Variants in PCED1B observed in about 807,000 individuals in gnomAD.
PCED1B encodes PC-esterase domain-containing protein 1B.
For synonymous variants in PCED1B, 251 were observed against 246.1 expected, an observed-to-expected ratio of 1.02 and a Z score of -0.19; for missense variants, 573 against 573.9, an observed-to-expected ratio of 1.00 and a Z score of 0.02.
chr12:47,146,649 G>C (rs938439392), intron 2 of PCED1B, among the ~76,000 whole-genome samples: 2 of 152,114 alleles, frequency 1.3e-5, no homozygotes, highest in Non-Finnish European at 2.9e-5. Flanking sequence ...AGCATTTTTA[G>C]CAATAAAGTA....
intron 2 of PCED1B, among the ~76,000 whole-genome samples, chr12:47,140,139 G>A (rs1037878722): frequency 5.9e-5 from 9 of 152,100 alleles, no homozygotes; most frequent in Admixed American, 2.0e-4. Flanking sequence ...ATATGTTACT[G>A]CACATTAATG....
intron 2 of PCED1B, among the ~76,000 whole-genome samples, chr12:47,128,843 G>A (rs551559905): frequency 9.2e-5 from 14 of 152,286 alleles, no homozygotes; most frequent in African/African-American, 3.1e-4. Flanking sequence ...ATGCAATGGG[G>A]TTAGTGAGGC....
intron 1 of PCED1B, among the ~76,000 whole-genome samples, chr12:47,093,713 T>A (rs897329491): frequency 3.3e-5 from 5 of 152,068 alleles, no homozygotes; most frequent in African/African-American, 1.2e-4. Flanking sequence ...GTATATTGTT[T>A]AATTTTGAGC....
intron 2 of PCED1B, among the ~76,000 whole-genome samples, chr12:47,194,806 G>A (rs1265566043): frequency 6.6e-6 from 1 of 152,192 alleles, no homozygotes; most frequent in Non-Finnish European, 1.5e-5. Flanking sequence ...GGAAGAGAAA[G>A]GTGCCGTGTG....
chr12:47,118,472 G>C (rs965087486), intron 2 of PCED1B, among the ~76,000 whole-genome samples: 4 of 152,078 alleles, frequency 2.6e-5, no homozygotes, highest in South Asian at 2.1e-4. Flanking sequence ...GCTTGTTTTT[G>C]TCAGGTTTGT....
chr12:47,201,713 C>A lies in PCED1B; in HGVS notation c.-525-14509C>A, dbSNP rs77415404. 3.7e-3 allele frequency among the ~76,000 whole-genome samples: 566 copies of A among 152,194 alleles called. 7 individuals are homozygous for A. Among genetic ancestry groups the A allele is most frequent in the African/African-American group, 0.013 (534 of 41,514 alleles). On this transcript the variant is annotated intron_variant, in intron 2 of 3. Coordinates refer to ENST00000546455, the MANE Select transcript of PCED1B (RefSeq NM_138371.3). ...TCCCGGGCTTAGGTGATCCTCCCAC[C>A]TCAGCCTCCTGAATAGCTGAGACTA...
intron 2 of PCED1B, among the ~76,000 whole-genome samples, chr12:47,185,828 A>C (rs974770100): frequency 6.6e-6 from 1 of 152,088 alleles, no homozygotes; most frequent in Non-Finnish European, 1.5e-5. Flanking sequence ...GACTGACAAA[A>C]GACAGATTAA....
At chr12:47,084,626 T>C (rs927889775) in intron 1 of PCED1B, among the ~76,000 whole-genome samples, 10 of 152,232 alleles carry the variant, frequency 6.6e-5, no homozygotes, top group African/African-American at 2.2e-4. Flanking sequence ...GACTGGGATT[T>C]TTAGCTAAGG....
At chr12:47,221,662 T>A (rs552174511) in intron 3 of PCED1B, among the ~76,000 whole-genome samples, 2 of 152,380 alleles carry the variant, frequency 1.3e-5, no homozygotes, top group African/African-American at 4.8e-5. Flanking sequence ...AGCAGCTCTC[T>A]GAAATTGCCT....
At chr12:47,122,869 A>G (rs1049933805) in intron 2 of PCED1B, among the ~76,000 whole-genome samples, 1 of 152,298 alleles carries the variant, frequency 6.6e-6, no homozygotes, top group Non-Finnish European at 1.5e-5. Context: ...GTTTTAGAGA[A>G]CTCACTAAAG....
At position 47,186,805 on chromosome 12, in the gene PCED1B, A is replaced by T. The variant is rs1197735195; in HGVS notation, c.-525-29417A>T. ...TCTACCCAGTTTGTGATACTTCGTG[A>T]TGGCAGCCCAAGGAAATTAACACAG... On this transcript the variant is annotated intron_variant, in intron 2 of 3. Transcript: ENST00000546455. 2.0e-5 allele frequency among the ~76,000 whole-genome samples: 3 copies of T among 152,192 alleles called. No individual in the cohort carries two copies. In the East Asian group the frequency reaches 5.8e-4, roughly 29 times the overall value.
rs1943929623 is a variant in PCED1B, at chr12:47,235,077, G to A, written c.14G>A (p.Arg5Gln). 4 of 1,525,892 alleles carry A rather than the reference G, an allele frequency of 2.6e-6. No individual in the cohort carries two copies. The Admixed American group carries it at 6.5e-5, about 25-fold the overall frequency. 94.5% of individuals were successfully genotyped at this position (1,525,892 alleles called of 1,614,324 possible). MILL[R>Q]ASEVRQLLHN... ...GCCCTGGGCGTCATGATCCTTCTGC[G>A]GGCCTCCGAAGTGCGGCAGCTGCTT... is the stretch of plus-strand genomic sequence containing the variant. The change falls in exon 4 of 4, where the codon CGG becomes CAG. Residue 5 changes from arginine to glutamine, a missense_variant. By Grantham distance (43) the Arg-to-Gln change is conservative. Transcript: ENST00000546455.
chr12:47,177,096 TC>T (rs1941947888), intron 2 of PCED1B, among the ~76,000 whole-genome samples: 1 of 152,118 alleles, frequency 6.6e-6, no homozygotes, highest in South Asian at 2.1e-4. Context: ...CTGAGATGCC[TC>T]AGAGCAGGAG....
At chr12:47,181,979 A>G (rs564275106) in intron 2 of PCED1B, among the ~76,000 whole-genome samples, 94 of 152,318 alleles carry the variant, frequency 6.2e-4, no homozygotes, top group African/African-American at 2.2e-3. Context: ...GAAAGGCTGA[A>G]GGCTTCACAA....
At chr12:47,178,044 C>CTCTCCT (rs1332689200) in intron 2 of PCED1B, among the ~76,000 whole-genome samples, 73 of 152,202 alleles carry the variant, frequency 4.8e-4, no homozygotes, top group African/African-American at 1.7e-3. Flanking sequence ...GGGTAAAGGC[C>CTCTCCT]AGAAGCTGGA....
intron 3 of PCED1B, among the ~76,000 whole-genome samples, chr12:47,230,554 C>T (rs544601772): frequency 8.4e-4 from 128 of 152,014 alleles, no homozygotes; most frequent in African/African-American, 2.2e-3. Flanking sequence ...GGGGATCTCC[C>T]GCCTCAGCCT....
intron 2 of PCED1B, among the ~76,000 whole-genome samples, chr12:47,197,911 T>C (rs911133903): frequency 6.6e-6 from 1 of 152,270 alleles, no homozygotes; most frequent in African/African-American, 2.4e-5. Flanking sequence ...AATAACCATC[T>C]AAAACAGAAA....
chr12:47,184,161 C>T (rs1942182474), intron 2 of PCED1B, among the ~76,000 whole-genome samples: 1 of 152,104 alleles, frequency 6.6e-6, no homozygotes, highest in Non-Finnish European at 1.5e-5. Flanking sequence ...TGCACCGCAC[C>T]AGGCCAAGAA....
At chr12:47,183,120 T>C (rs1352752732) in intron 2 of PCED1B, among the ~76,000 whole-genome samples, 1 of 152,192 alleles carries the variant, frequency 6.6e-6, no homozygotes, top group Non-Finnish European at 1.5e-5. Context: ...ACATATCTGA[T>C]ATCTTGGGAG....
Sources: gnomAD v4.1 joint callset for allele counts (sites outside exome capture counted in the v4.1 genomes callset) on GRCh38, gnomAD v4.1.1 for gene constraint, MANE v1.5 for transcripts, NCBI Gene and HGNC (gene_info 2026-07-23, HGNC 2026-07-21) for gene names.